Variants in GPI observed in about 807,000 individuals in gnomAD.
GPI encodes glucose-6-phosphate isomerase.
Under a neutral mutation model 75.8 loss-of-function variants are expected in GPI, and 56 were observed. The observed-to-expected ratio is 0.74, with a 90% CI of 0.60 to 0.92. The LOEUF is 0.92. GPI is among the 40% of genes least tolerant of loss of function. The pLI is 0.00. For synonymous variants in GPI, 288 were observed against 285.4 expected (o/e 1.01, Z -0.09); for missense variants, 638 against 741.0 (o/e 0.86, Z 1.61).
At chr19:34,377,480 T>A in intron 4 of GPI, 23 bp from the exon 5 acceptor site, 1 of 1,573,508 alleles carries the variant, frequency 6.4e-7, no homozygotes, top group Non-Finnish European at 8.7e-7. Flanking sequence ...TTTGGGCTGA[T>A]GGCATCTTCG....
At chr19:34,373,404 A>T (rs1167489220) in intron 4 of GPI, among the ~76,000 whole-genome samples, 1 of 150,028 alleles carries the variant, frequency 6.7e-6, no homozygotes, top group Non-Finnish European at 1.5e-5. Context: ...AAAAAAAAAA[A>T]TTTATAACTG....
chr19:34,361,797 A>G (rs1448751696), upstream of GPI, among the ~76,000 whole-genome samples: 1 of 152,004 alleles, frequency 6.6e-6, no homozygotes, highest in Non-Finnish European at 1.5e-5. Context: ...CCTGGCCAAC[A>G]TGGTGAAACC....
chr19:34,363,776 C>A (rs76240474), upstream of GPI, among the ~76,000 whole-genome samples: 1 of 151,962 alleles, frequency 6.6e-6, no homozygotes, highest in Non-Finnish European at 1.5e-5. Flanking sequence ...GCTGAGATCA[C>A]GCCACTGCAC....
Position 34,400,517 on chromosome 19 carries a change from G to A in GPI, c.*481G>A. On this transcript the variant is annotated 3_prime_UTR_variant, in exon 18 of 18. Transcript: ENST00000356487. ...GGTGGGGGCACAATCAGTCAGGACG[G>A]CAACTTGGCCTGTGTCACCAAATCC... 1 of 481,190 alleles carries A rather than the reference G, an allele frequency of 2.1e-6. No homozygotes were observed. The highest frequency in any genetic ancestry group is 4.8e-5 in the South Asian group (1 of 20,666). The allele number at this position is 481,190 out of a possible 1,614,324, so 29.8% of individuals were successfully genotyped here.
intron 4 of GPI, among the ~76,000 whole-genome samples, chr19:34,370,548 G>A (rs1197592984): frequency 6.6e-6 from 1 of 151,970 alleles, no homozygotes; most frequent in South Asian, 2.1e-4. Flanking sequence ...GTGAAACGCC[G>A]TCTGTACTAA....
At chr19:34,364,840 T>C, upstream of GPI, 1 of 707,920 alleles carries the variant, frequency 1.4e-6, no homozygotes, top group Middle Eastern at 3.4e-4. Context: ...ACGTGGAAGG[T>C]GTTCGATCTA....
intron 3 of GPI, among the ~76,000 whole-genome samples, chr19:34,367,631 C>T (rs2074386675): frequency 6.6e-6 from 1 of 152,180 alleles, no homozygotes; most frequent in Non-Finnish European, 1.5e-5. Context: ...TTTTCCTGCC[C>T]ACCTGGGGTC....
At chr19:34,369,105 G>T (rs1313940712) in intron 4 of GPI, among the ~76,000 whole-genome samples, 2 of 150,918 alleles carry the variant, frequency 1.3e-5, no homozygotes, top group Non-Finnish European at 2.9e-5. Flanking sequence ...GTGGACTGCA[G>T]TCGTGCTATC....
chr19:34,368,184 G>T (rs2074394473), intron 3 of GPI, among the ~76,000 whole-genome samples: 1 of 152,238 alleles, frequency 6.6e-6, no homozygotes, highest in Non-Finnish European at 1.5e-5. Context: ...GCCTCCCAGA[G>T]TTCCGGGATT....
intron 6 of GPI, 129 bp downstream of exon 6, chr19:34,378,010 C>T (rs2145362361): frequency 2.3e-6 from 2 of 881,578 alleles, no homozygotes; most frequent in East Asian, 2.5e-5. Flanking sequence ...GTTTGTGGAT[C>T]AGGTCAGTAC....
intron 9 of GPI, among the ~76,000 whole-genome samples, chr19:34,389,099 AAAAAG>A (rs1345531013): frequency 6.6e-6 from 1 of 152,132 alleles, no homozygotes; most frequent in Non-Finnish European, 1.5e-5. Flanking sequence ...CTCTTAAAAA[AAAAAG>A]AAAAAAATAG....
chr19:34,366,784 C>T lies in GPI; in HGVS notation c.215C>T (p.Ala72Val). ...EDVMRMLVDL[A>V]KSRGVEAARE... Reference sequence around the variant, plus strand: ...GGCCTCAGTATCGTCTCTTCCTAGGCCAAGTCCAGGGGCGTGGAGGCCGCC... The same window carrying T: ...GGCCTCAGTATCGTCTCTTCCTAGGTCAAGTCCAGGGGCGTGGAGGCCGCC... Residue 72 changes from alanine to valine, a missense_variant and splice_region_variant, in exon 3 of 18, where the codon GCC becomes GTC. Physicochemically the swap from Ala to Val is moderately conservative, Grantham distance 64. Coordinates refer to ENST00000356487, the MANE Select transcript of GPI (RefSeq NM_000175.5). The T allele has an allele frequency of 6.2e-7, 1 of 1,612,076 alleles. No homozygotes were observed. Among genetic ancestry groups the T allele is most frequent in the Admixed American group, 1.7e-5 (1 of 60,028 alleles).
At chr19:34,396,684 G>T (rs748676026) in intron 14 of GPI, 27 bp downstream of exon 14, 1 of 1,594,894 alleles carries the variant, frequency 6.3e-7, no homozygotes, top group African/African-American at 1.3e-5. Flanking sequence ...GGCCCCATCT[G>T]GGGGGTCTGG....
chr19:34,396,745 C>T (rs536168198), intron 14 of GPI, 88 bp downstream of exon 14: 156 of 976,426 alleles, frequency 1.6e-4, no homozygotes, highest in Middle Eastern at 6.3e-4. Flanking sequence ...TTGGCAATCA[C>T]GTTAGTTTTC....
At position 34,393,149 on chromosome 19, in the gene GPI, C is replaced by T. The variant is rs1033181184; in HGVS notation, c.805-99C>T. 3.5e-5 allele frequency: 34 copies of T among 976,256 alleles called. No individual in the cohort carries two copies. Among genetic ancestry groups the T allele is most frequent in the Non-Finnish European group, 5.0e-5 (30 of 605,142 alleles). The allele number at this position is 976,256 out of a possible 1,614,324, so 60.5% of individuals were successfully genotyped here. On this transcript the variant is annotated intron_variant, in intron 9 of 17. Coordinates refer to ENST00000356487, the MANE Select transcript of GPI (RefSeq NM_000175.5). This position sits in a 1 kb window ranked among gnomAD's most constrained non-coding sequence, Gnocchi z 4.4. The stretch of plus-strand genomic sequence containing the variant: ...GGAGGTGGGTTGGGCCAGGGCCCTC[C>T]GAGACGCCCCTGTGCAAGACCAGGG...
Position 34,365,323 on chromosome 19 carries a change from G to C in GPI, c.57G>C (p.Glu19Asp), listed in dbSNP as rs1425179709. 1 of 1,591,090 alleles carries C rather than the reference G, an allele frequency of 6.3e-7. No homozygotes were observed. Among genetic ancestry groups the C allele is most frequent in the South Asian group, 1.1e-5 (1 of 89,142 alleles). Residue 19 changes from glutamate (E) to aspartate (D), a missense_variant, in exon 1 of 18, where the codon GAG (glutamate) becomes GAC (aspartate). Physicochemically the swap from Glu to Asp is conservative, Grantham distance 45. Transcript: ENST00000356487. ...AGAAGCTGCAGCAATGGTACCGCGA[G>C]CACCGCTCCGAGCTGAACCTGCGCC... Reference protein sequence around the residue: ...QFQKLQQWYREHRSELNLRRL... With the variant: ...QFQKLQQWYRDHRSELNLRRL...
chr19:34,364,805 C>T, upstream of GPI: 2 of 502,276 alleles, frequency 4.0e-6, no homozygotes, highest in Non-Finnish European at 3.4e-6. Flanking sequence ...CATATGTATC[C>T]ACAGCGCCTA....
chr19:34,381,174 A>T, intron 8 of GPI: 1 of 499,234 alleles, frequency 2.0e-6, no homozygotes, highest in South Asian at 2.0e-5. Flanking sequence ...GTTGCAGAGC[A>T]GTGTGTGGGC....
rs1481229624 is a variant in GPI, at chr19:34,400,083, C to T, written c.*47C>T. 9 of 1,591,590 alleles carry T rather than the reference C, an allele frequency of 5.7e-6. No homozygotes were observed. The highest frequency in any genetic ancestry group is 3.3e-5 in the Admixed American group (2 of 59,972). Reference sequence around the variant, plus strand: ...CCTCTGTGACTCCCCTTTCTCTTCTCGTCCCTCCTCCCCGGAGCCGGCACT... The same window carrying T: ...CCTCTGTGACTCCCCTTTCTCTTCTTGTCCCTCCTCCCCGGAGCCGGCACT... On this transcript the variant is annotated 3_prime_UTR_variant, in exon 18 of 18. Transcript: ENST00000356487.
Sources: gnomAD v4.1 joint callset for allele counts (sites outside exome capture counted in the v4.1 genomes callset) on GRCh38, gnomAD v4.1.1 for gene constraint, Gnocchi (gnomAD v3.1) non-coding constraint, MANE v1.5 for transcripts, NCBI Gene and HGNC (gene_info 2026-07-23, HGNC 2026-07-21) for gene names.